Variants in CXXC5 observed in about 807,000 individuals in gnomAD.
The protein encoded by CXXC5 is CXXC finger protein 5, also known as CXXC-type zinc finger protein 5.
A neutral mutation model predicts 17.6 loss-of-function variants in CXXC5; 2 were observed. The ratio of observed to expected loss-of-function variants is 0.11; its 90% CI spans 0.05 to 0.36. The LOEUF is 0.36. Ranked by LOEUF, CXXC5 falls within the 10% of genes least tolerant of loss-of-function variation. CXXC5 has a pLI of 1.00. For missense variants in CXXC5, 343 were observed against 458.3 expected, an observed-to-expected ratio of 0.75 and a Z score of 2.30; for synonymous variants, 171 against 193.0, an observed-to-expected ratio of 0.89 and a Z score of 0.94.
rs528020813 is a variant in CXXC5 at position 139,668,643 on chromosome 5, T to A, written c.-160-11721T>A. Among the ~76,000 whole-genome samples, 54 of 152,038 alleles carry A rather than the reference T, an allele frequency of 3.6e-4. No homozygotes were observed. Among genetic ancestry groups the A allele is most frequent in the African/African-American group, 1.3e-3 (53 of 41,462 alleles). ...CAGGACGCCCTATCCCTGAACCCCA[T>A]CGTGGCGTGCAGGTCTGAGTAGGCT... On this transcript the variant is annotated intron_variant, in intron 1 of 2. Transcript: ENST00000302517. The surrounding 1 kb of genome is among the most constrained non-coding windows in gnomAD (Gnocchi z 4.1).
chr5:139,655,565 A>C (rs1755446473), intron 1 of CXXC5, among the ~76,000 whole-genome samples: 1 of 145,756 alleles, frequency 6.9e-6, no homozygotes, highest in African/African-American at 2.6e-5. Flanking sequence ...ACCTCCCCAC[A>C]CCTCTCCTTG....
rs761988594 is a variant in CXXC5 at position 139,680,565 on chromosome 5, T to TAGCAGC, written c.50_55dup (p.Ser17_Ser18dup). 6.3e-7 allele frequency: 1 copy of TAGCAGC among 1,588,262 alleles called. No individual in the cohort carries two copies. The highest frequency in any genetic ancestry group is 1.1e-5 in the South Asian group (1 of 88,694). On this transcript the variant is annotated inframe_insertion, in exon 2 of 3. Transcript: ENST00000302517. ...GTGGCTCCCAGGATGCCGGCGGCAG[T>TAGCAGC]AGCAGCAGCAGCACCAATGGCAGCG...
intron 2 of CXXC5, among the ~76,000 whole-genome samples, chr5:139,682,543 C>T (rs927471225): frequency 1.3e-5 from 2 of 152,230 alleles, no homozygotes; most frequent in African/African-American, 4.8e-5. Flanking sequence ...CGCACGTGCT[C>T]ACACGCTCAT....
chr5:139,672,679 C>A (rs965333730), intron 1 of CXXC5, among the ~76,000 whole-genome samples: 1 of 152,216 alleles, frequency 6.6e-6, no homozygotes, highest in Admixed American at 6.5e-5. Context: ...CTACCTCCTT[C>A]CCCATGATAT....
chr5:139,671,253 T>G (rs967904879), intron 1 of CXXC5, among the ~76,000 whole-genome samples: 4 of 152,138 alleles, frequency 2.6e-5, no homozygotes, highest in Admixed American at 6.5e-5. Context: ...AGGCAGACTC[T>G]GGGGGGTGAC....
At position 139,680,642 on chromosome 5, in the gene CXXC5, T is replaced by A; in HGVS notation, c.119T>A (p.Val40Glu). The A allele has an allele frequency of 1.2e-6, 2 of 1,612,026 alleles. No homozygotes were observed. The highest frequency in any genetic ancestry group is 1.7e-6 in the Non-Finnish European group (2 of 1,179,754). ...PKAGAADKSA[V>E]VAAAAPASVA... Reference sequence around the variant, plus strand: ...GCAGGAGCAGCAGACAAGAGTGCAGTGGTGGCTGCCGCCGCACCAGCCTCA... The same window carrying A: ...GCAGGAGCAGCAGACAAGAGTGCAGAGGTGGCTGCCGCCGCACCAGCCTCA... The change falls in exon 2 of 3, where the codon GTG becomes GAG. Residue 40 changes from valine (V) to glutamate (E), a missense_variant. Val to Glu is a moderately radical substitution (Grantham distance 121). Coordinates refer to ENST00000302517, the MANE Select transcript of CXXC5 (RefSeq NM_016463.9).
chr5:139,654,825 G>A (rs1401402654), intron 1 of CXXC5, among the ~76,000 whole-genome samples: 1 of 152,220 alleles, frequency 6.6e-6, no homozygotes, highest in African/African-American at 2.4e-5. Context: ...GGTAGAGCTG[G>A]TGAAGACACA....
intron 1 of CXXC5, among the ~76,000 whole-genome samples, chr5:139,656,912 A>G (rs2126752211): frequency 6.6e-6 from 1 of 152,208 alleles, no homozygotes; most frequent in Non-Finnish European, 1.5e-5. Flanking sequence ...TTTAGTAGAC[A>G]TGGGGTTTCT....
In CXXC5 at chr5:139,681,278, C is replaced by T; in HGVS notation, c.755C>T (p.Ala252Val). The change falls in exon 2 of 3, where the codon GCC becomes GTC. Residue 252 changes from alanine to valine, a missense_variant. Ala to Val is a moderately conservative substitution (Grantham distance 64). Transcript: ENST00000302517. Reference sequence around the variant, plus strand: ...CCCATGCAGGGAGAGCTGGCCTCTGCCATCAGCTCCGGCAAGAAGAAGCGG... The same window carrying T: ...CCCATGCAGGGAGAGCTGGCCTCTGTCATCAGCTCCGGCAAGAAGAAGCGG... ...EYPMQGELASAISSGKKKRKR... is the reference protein window; with the variant it reads ...EYPMQGELASVISSGKKKRKR... 1.2e-6 allele frequency: 2 copies of T among 1,612,690 alleles called. No individual in the cohort carries two copies. The highest frequency in any genetic ancestry group is 1.7e-6 in the Non-Finnish European group (2 of 1,179,888).
Position 139,680,370 on chromosome 5 carries a change from G to C in CXXC5, c.-154G>C. The stretch of plus-strand genomic sequence containing the variant: ...CTGTATCCTCTTGTGACAGAGTGAA[G>C]ACATTTCCACCTGGACACCTGACCA... On this transcript the variant is annotated 5_prime_UTR_variant, in exon 2 of 3. Transcript: ENST00000302517. 1 of 1,107,890 alleles carries C rather than the reference G, an allele frequency of 9.0e-7. No individual in the cohort carries two copies. Among genetic ancestry groups the C allele is most frequent in the Non-Finnish European group, 1.2e-6 (1 of 801,070 alleles). The allele number at this position is 1,107,890 out of a possible 1,614,324, so 68.6% of individuals were successfully genotyped here. A position where few individuals can be genotyped will look rare whatever the true frequency, so the allele number is the denominator to read the frequency against.
intron 1 of CXXC5, among the ~76,000 whole-genome samples, chr5:139,664,500 C>T (rs1297446174): frequency 1.3e-5 from 2 of 152,162 alleles, no homozygotes; most frequent in African/African-American, 2.4e-5. Context: ...GCTGCATGGC[C>T]CTGGGTCAGG....
intron 1 of CXXC5, among the ~76,000 whole-genome samples, chr5:139,655,872 G>A (rs1019568528): frequency 2.0e-5 from 3 of 152,168 alleles, no homozygotes; most frequent in Admixed American, 1.3e-4. Flanking sequence ...TTAGAGCAGC[G>A]GGCAGGCGGG....
rs552308138 is a variant in CXXC5, at chr5:139,648,497, C to A, written c.-509C>A. On this transcript the variant is annotated 5_prime_UTR_variant, in exon 1 of 3. Transcript: ENST00000302517. The stretch of plus-strand genomic sequence containing the variant: ...GCCGGGCCCCGCGTCCCAGCCCTGC[C>A]CAGCCCGCGCCCAGCCATGCGCGCC... 1,392 of 152,746 alleles carry A rather than the reference C, an allele frequency of 9.1e-3. 13 individuals carry two copies. The highest frequency in any genetic ancestry group is 0.04 in the Middle Eastern group (12 of 300). 9.5% of individuals were successfully genotyped at this position (152,746 alleles called of 1,614,324 possible). A position where few individuals can be genotyped will look rare whatever the true frequency, so the allele number is the denominator to read the frequency against.
Position 139,680,587 on chromosome 5 carries a change from A to AGCGGTG in CXXC5, c.67_72dup (p.Gly23_Gly24dup). On this transcript the variant is annotated inframe_insertion, in exon 2 of 3. Coordinates refer to ENST00000302517, the MANE Select transcript of CXXC5 (RefSeq NM_016463.9). The stretch of plus-strand genomic sequence containing the variant: ...CAGTAGCAGCAGCAGCACCAATGGC[A>AGCGGTG]GCGGTGGCAGTGGCAGCAGTGGCCC... 1.2e-6 allele frequency: 2 copies of AGCGGTG among 1,603,978 alleles called. No homozygotes were observed. Among genetic ancestry groups the AGCGGTG allele is most frequent in the East Asian group, 4.5e-5 (2 of 44,090 alleles).
chr5:139,667,476 T>G (rs1756172920), intron 1 of CXXC5, among the ~76,000 whole-genome samples: 2 of 152,232 alleles, frequency 1.3e-5, no homozygotes, highest in African/African-American at 4.8e-5. Flanking sequence ...TGCCCCTATT[T>G]TACAGATGGG....
At chr5:139,671,716 C>T (rs1360922828) in intron 1 of CXXC5, among the ~76,000 whole-genome samples, 1 of 152,264 alleles carries the variant, frequency 6.6e-6, no homozygotes, top group African/African-American at 2.4e-5. Flanking sequence ...GGTACAGCTG[C>T]AGACTTCTCT....
chr5:139,658,417 G>C lies in CXXC5; in HGVS notation c.-161+9572G>C, dbSNP rs1018424170. Among the ~76,000 whole-genome samples, 18 of 152,226 alleles carry C rather than the reference G, an allele frequency of 1.2e-4. No individual in the cohort carries two copies. Among genetic ancestry groups the C allele is most frequent in the Admixed American group, 1.1e-3 (17 of 15,290 alleles). On this transcript the variant is annotated intron_variant, in intron 1 of 2. Transcript: ENST00000302517. The surrounding 1 kb of genome is among the most constrained non-coding windows in gnomAD (Gnocchi z 4.1). ...GGGGACACTGAAGCTCTAGGGGTCA[G>C]GCTGCCCTGAGGTCACAGGGCCTCT...
At position 139,670,328 on chromosome 5, in the gene CXXC5, A is replaced by AGCTT. The variant is rs1315796619; in HGVS notation, c.-160-10035_-160-10034insCTTG. Among the ~76,000 whole-genome samples, 1 of 152,222 alleles carries AGCTT rather than the reference A, an allele frequency of 6.6e-6. No homozygotes were observed. Among genetic ancestry groups the AGCTT allele is most frequent in the East Asian group, 1.9e-4 (1 of 5,202 alleles). On this transcript the variant is annotated intron_variant, in intron 1 of 2. Transcript: ENST00000302517. This position sits in a 1 kb window ranked among gnomAD's most constrained non-coding sequence, Gnocchi z 4.2. ...GCTGTTGGACCTTGAACAGCAGACA[A>AGCTT]GACAGGTGTCCCCCTTAGAGCTGGG...
chr5:139,652,888 C>G (rs1306101489), intron 1 of CXXC5, among the ~76,000 whole-genome samples: 1 of 152,144 alleles, frequency 6.6e-6, no homozygotes, highest in Admixed American at 6.6e-5. Context: ...TCTGGGGGAT[C>G]TGACTCTGAG....
Sources: gnomAD v4.1 joint callset for allele counts (sites outside exome capture counted in the v4.1 genomes callset) on GRCh38, gnomAD v4.1.1 for gene constraint, Gnocchi (gnomAD v3.1) non-coding constraint, MANE v1.5 for transcripts, NCBI Gene and HGNC (gene_info 2026-07-23, HGNC 2026-07-21) for gene names.